NCKAP5: variants seen among roughly 807,000 people sequenced by gnomAD.
NCKAP5 encodes nck-associated protein 5.
NCKAP5 carries 92 observed loss-of-function variants against 167.0 expected under a neutral mutation model. The observed-to-expected ratio is 0.55, with a 90% CI of 0.47 to 0.66. The LOEUF (loss-of-function observed/expected upper bound fraction) is 0.66, where lower values mean the gene tolerates loss of function less well. Ranked by LOEUF, NCKAP5 falls within the 30% of genes least tolerant of loss-of-function variation. The pLI, the probability that NCKAP5 is intolerant of heterozygous loss-of-function variation, is 0.00. For missense variants in NCKAP5, 2,378 were observed against 2,315.0 expected (o/e 1.03, Z -0.56); for synonymous variants, 891 against 877.4 (o/e 1.02, Z -0.27).
chr2:133,465,439 T>C (rs1692507999), intron 3 of NCKAP5, among the ~76,000 whole-genome samples: 1 of 151,742 alleles, frequency 6.6e-6, no homozygotes, highest in Non-Finnish European at 1.5e-5. Flanking sequence ...TCCAAGTCTT[T>C]GCTATCGTGA....
intron 11 of NCKAP5, among the ~76,000 whole-genome samples, chr2:132,810,405 C>T (rs969365722): frequency 1.3e-5 from 2 of 152,100 alleles, no homozygotes; most frequent in African/African-American, 2.4e-5. Flanking sequence ...TCAGGAACAC[C>T]GATTATTCTT....
At chr2:132,781,353 G>T in intron 14 of NCKAP5, 124 bp from the exon 15 acceptor site, 3 of 865,548 alleles carry the variant, frequency 3.5e-6, no homozygotes, top group Non-Finnish European at 3.4e-6. Context: ...AACCTTTGAC[G>T]GATAAGGGTT....
intron 6 of NCKAP5, among the ~76,000 whole-genome samples, chr2:133,103,013 C>A (rs1181509099): frequency 1.3e-5 from 2 of 152,170 alleles, no homozygotes; most frequent in African/African-American, 4.8e-5. Flanking sequence ...AATATTTTAT[C>A]ACCTAGCATA....
intron 8 of NCKAP5, among the ~76,000 whole-genome samples, chr2:132,957,579 C>CTTT (rs914502543): frequency 3.3e-5 from 5 of 151,972 alleles, no homozygotes; most frequent in Non-Finnish European, 4.4e-5. Flanking sequence ...TTTCTCTGAT[C>CTTT]TTGTCCTCCT....
At chr2:133,635,062 C>T in the NCKAP5 span, among the ~76,000 whole-genome samples, 102 of 152,004 alleles carry the variant, frequency 6.7e-4, 1 homozygote, top group African/African-American at 1.7e-3. Flanking sequence ...TTAGTAGAAA[C>T]GGGGTTTCAC....
At chr2:133,286,292 G>A (rs1026409935) in intron 4 of NCKAP5, among the ~76,000 whole-genome samples, 18 of 152,056 alleles carry the variant, frequency 1.2e-4, no homozygotes, top group African/African-American at 4.1e-4. Flanking sequence ...CACCACGCCC[G>A]GCCTCTTCTG....
intron 4 of NCKAP5, among the ~76,000 whole-genome samples, chr2:133,256,221 C>T (rs113955354): frequency 7.9e-5 from 12 of 152,096 alleles, no homozygotes; most frequent in South Asian, 4.1e-4. Context: ...GTGATATATT[C>T]TCACTTGTTT....
chr2:132,709,929 TAATA>T (rs1287042722), intron 19 of NCKAP5, among the ~76,000 whole-genome samples: 2 of 152,128 alleles, frequency 1.3e-5, no homozygotes, highest in African/African-American at 4.8e-5. Context: ...TTAAAATGGT[TAATA>T]AAAAATAAAA....
At chr2:132,920,717 ATGTATATATATATATG>A (rs1695280233) in intron 8 of NCKAP5, among the ~76,000 whole-genome samples, 1 of 95,698 alleles carries the variant, frequency 1.0e-5, no homozygotes, top group Admixed American at 1.5e-4. Context: ...ATGTATATAT[ATGTATATATATATATG>A]TATATATATG....
At chr2:133,163,570 A>C (rs2083884671) in intron 5 of NCKAP5, among the ~76,000 whole-genome samples, 1 of 152,112 alleles carries the variant, frequency 6.6e-6, no homozygotes, top group South Asian at 2.1e-4. Context: ...CAGAATAAAA[A>C]CCTTTTGGTA....
At chr2:133,387,872 GT>G (rs1229628508) in intron 3 of NCKAP5, among the ~76,000 whole-genome samples, 1 of 152,114 alleles carries the variant, frequency 6.6e-6, no homozygotes, top group African/African-American at 2.4e-5. Flanking sequence ...CATAGTTCTT[GT>G]GCCATGGTTT....
chr2:132,982,650 C>G (rs573463890), intron 7 of NCKAP5, among the ~76,000 whole-genome samples: 57 of 152,294 alleles, frequency 3.7e-4, no homozygotes, highest in Non-Finnish European at 6.6e-4. Context: ...GCTTTTCAAC[C>G]CTTGCCCCCT....
chr2:133,091,614 G>A (rs1476451141), intron 6 of NCKAP5, among the ~76,000 whole-genome samples: 2 of 152,118 alleles, frequency 1.3e-5, no homozygotes, highest in African/African-American at 2.4e-5. Context: ...TTGGCCAGGC[G>A]CAGTGGCTCC....
chr2:132,878,613 T>TACACACAC (rs10544477), intron 9 of NCKAP5, among the ~76,000 whole-genome samples: 2 of 131,894 alleles, frequency 1.5e-5, no homozygotes, highest in African/African-American at 5.6e-5. Context: ...GGGGGGCAGA[T>TACACACAC]ACACACACAC....
At chr2:133,083,809 G>A (rs968345266) in intron 6 of NCKAP5, among the ~76,000 whole-genome samples, 1 of 152,176 alleles carries the variant, frequency 6.6e-6, no homozygotes, top group Non-Finnish European at 1.5e-5. Context: ...ATCCCACTAT[G>A]TGTCAGGATT....
At chr2:133,302,800 AAAAT>A (rs995844335) in intron 4 of NCKAP5, among the ~76,000 whole-genome samples, 49 of 151,290 alleles carry the variant, frequency 3.2e-4, no homozygotes, top group Admixed American at 7.9e-4. Flanking sequence ...AAAAATAAAA[AAAAT>A]AAATAAATAA....
the NCKAP5 span, among the ~76,000 whole-genome samples, chr2:133,646,096 A>G: frequency 6.6e-6 from 1 of 151,986 alleles, no homozygotes; most frequent in Non-Finnish European, 1.5e-5. Context: ...GTATGTGTAT[A>G]GGTATATAGG....
intron 6 of NCKAP5, among the ~76,000 whole-genome samples, chr2:133,073,140 C>T (rs1174943135): frequency 6.6e-6 from 1 of 152,100 alleles, no homozygotes; most frequent in Non-Finnish European, 1.5e-5. Flanking sequence ...AACTGTGGAA[C>T]AGACACAAAC....
At chr2:132,945,214 T>G (rs1697610678) in intron 8 of NCKAP5, among the ~76,000 whole-genome samples, 1 of 151,390 alleles carries the variant, frequency 6.6e-6, no homozygotes. Flanking sequence ...GTAAAGGAGC[T>G]ACCTGAAATT....
Sources: allele counts gnomAD v4.1 joint callset (sites outside exome capture counted in the v4.1 genomes callset), GRCh38; gene constraint gnomAD v4.1.1; transcripts MANE v1.5; gene names NCBI Gene and HGNC (gene_info 2026-07-23, HGNC 2026-07-21).